The following RAB38 variants were observed in gnomAD, a reference collection of about 807,000 sequenced individuals.
The protein encoded by RAB38 is ras-related protein Rab-38.
RAB38 carries 15 observed loss-of-function variants against 18.4 expected under a neutral mutation model. The observed-to-expected ratio is 0.82, with a 90% CI of 0.55 to 1.26. The LOEUF (loss-of-function observed/expected upper bound fraction) is 1.26, where lower values mean the gene tolerates loss of function less well. Ranked by LOEUF, RAB38 falls within the 50% of genes most tolerant of loss-of-function variation. RAB38 has a pLI of 0.00. For synonymous variants in RAB38, 101 were observed against 104.4 expected, an observed-to-expected ratio of 0.97 and a Z score of 0.20; for missense variants, 294 against 267.4, an observed-to-expected ratio of 1.10 and a Z score of -0.69.
the RAB38 span, among the ~76,000 whole-genome samples, chr11:87,914,057 A>G: frequency 1.3e-5 from 2 of 152,068 alleles, no homozygotes; most frequent in African/African-American, 4.8e-5. Context: ...AAATACCTTA[A>G]AGTGTGGAAG....
At chr11:87,862,499 G>T in the RAB38 span, among the ~76,000 whole-genome samples, 1 of 151,766 alleles carries the variant, frequency 6.6e-6, no homozygotes, top group South Asian at 2.1e-4. Context: ...CACACACTGG[G>T]GCCTATCAGA....
chr11:88,166,672 T>G (rs1389712272), intron 1 of RAB38: 1 of 152,094 alleles, frequency 6.6e-6, no homozygotes, highest in Non-Finnish European at 1.5e-5. Flanking sequence ...TGAATGACAT[T>G]TCACTTCAAA....
chr11:87,962,479 G>A, the RAB38 span, among the ~76,000 whole-genome samples: 1 of 151,454 alleles, frequency 6.6e-6, no homozygotes, highest in Admixed American at 6.6e-5. Flanking sequence ...TGGAGTGGTG[G>A]TTACCAGAGG....
the RAB38 span, chr11:88,050,079 T>G: frequency 1.3e-5 from 2 of 152,198 alleles, no homozygotes; most frequent in African/African-American, 4.8e-5. Context: ...AAATAGTACA[T>G]GTGAATATGT....
the RAB38 span, among the ~76,000 whole-genome samples, chr11:87,963,643 CT>C: frequency 2.8e-5 from 4 of 143,094 alleles, no homozygotes; most frequent in African/African-American, 5.1e-5. Flanking sequence ...CTGTATATTT[CT>C]TTTTTTCTTT....
At chr11:88,150,872 T>C (rs1054633217) in intron 1 of RAB38, among the ~76,000 whole-genome samples, 1 of 152,186 alleles carries the variant, frequency 6.6e-6, no homozygotes, top group African/African-American at 2.4e-5. Flanking sequence ...CCCTTTGAAT[T>C]TGACTGAACA....
the RAB38 span, among the ~76,000 whole-genome samples, chr11:87,971,489 T>C: frequency 1.3e-5 from 2 of 152,136 alleles, no homozygotes; most frequent in African/African-American, 4.8e-5. Flanking sequence ...GCTCAGAATG[T>C]ACAGGGAAAA....
At chr11:87,938,836 C>G in the RAB38 span, among the ~76,000 whole-genome samples, 18 of 151,846 alleles carry the variant, frequency 1.2e-4, no homozygotes, top group Admixed American at 1.0e-3. Context: ...AGGTCCCTAG[C>G]CGGTCTGCCT....
the RAB38 span, among the ~76,000 whole-genome samples, chr11:87,814,413 A>G: frequency 2.0e-5 from 3 of 152,338 alleles, no homozygotes; most frequent in East Asian, 5.8e-4. Flanking sequence ...ATGCATGTGG[A>G]TTAAGCTTTT....
the RAB38 span, among the ~76,000 whole-genome samples, chr11:87,857,118 G>T: frequency 0.058 from 8,827 of 152,058 alleles, 375 homozygotes; most frequent in African/African-American, 0.13. Flanking sequence ...GTGGTGTTTG[G>T]TTTTTTGTCC....
the RAB38 span, among the ~76,000 whole-genome samples, chr11:87,830,659 T>C: frequency 2.6e-5 from 4 of 152,152 alleles, no homozygotes; most frequent in African/African-American, 9.7e-5. Flanking sequence ...ATTTATTATA[T>C]TGTAATATGA....
At chr11:87,888,822 T>C in the RAB38 span, among the ~76,000 whole-genome samples, 1 of 151,882 alleles carries the variant, frequency 6.6e-6, no homozygotes, top group Non-Finnish European at 1.5e-5. Flanking sequence ...AATGGATTGG[T>C]TGTCTAAAAG....
At chr11:87,890,747 C>G in the RAB38 span, among the ~76,000 whole-genome samples, 1 of 151,814 alleles carries the variant, frequency 6.6e-6, no homozygotes, top group African/African-American at 2.4e-5. Flanking sequence ...CTAATTCTTT[C>G]CCACTTCAAC....
At chr11:87,923,949 A>G in the RAB38 span, among the ~76,000 whole-genome samples, 1 of 131,384 alleles carries the variant, frequency 7.6e-6, no homozygotes. Context: ...ACTGAAGATC[A>G]AAGAGAAAAT....
the RAB38 span, among the ~76,000 whole-genome samples, chr11:88,004,236 T>A: frequency 0.019 from 2,898 of 150,390 alleles, 93 homozygotes; most frequent in African/African-American, 0.067. Context: ...ATTTAAAAAG[T>A]CTTTATTAAA....
At chr11:87,938,262 G>T in the RAB38 span, among the ~76,000 whole-genome samples, 35,153 of 151,856 alleles carry the variant, frequency 0.23, 4,414 homozygotes, top group South Asian at 0.37. Context: ...TTACTGCTGG[G>T]CAGGGGTTAA....
chr11:88,140,355 A>G (rs950967959), intron 2 of RAB38, among the ~76,000 whole-genome samples: 1 of 152,258 alleles, frequency 6.6e-6, no homozygotes, highest in Non-Finnish European at 1.5e-5. Flanking sequence ...ATCTAAGGAC[A>G]TAAATACTCC....
the RAB38 span, among the ~76,000 whole-genome samples, chr11:87,868,963 G>A: frequency 6.6e-6 from 1 of 151,670 alleles, no homozygotes; most frequent in Non-Finnish European, 1.5e-5. Context: ...GTGAAACCAA[G>A]ACTGGAACTG....
At chr11:88,127,294 G>A (rs962040650) in intron 2 of RAB38, among the ~76,000 whole-genome samples, 2 of 152,180 alleles carry the variant, frequency 1.3e-5, no homozygotes, top group South Asian at 2.1e-4. Context: ...TATCAATTAT[G>A]TGTGAATGGA....
Sources: allele counts gnomAD v4.1 joint callset (sites outside exome capture counted in the v4.1 genomes callset), GRCh38; gene constraint gnomAD v4.1.1; transcripts MANE v1.5; gene names NCBI Gene and HGNC (gene_info 2026-07-23, HGNC 2026-07-21).